The following ATP2C2 variants were observed in gnomAD, a reference collection of about 807,000 sequenced individuals.
ATP2C2 encodes calcium-transporting ATPase type 2C member 2.
Under a neutral mutation model 110.8 loss-of-function variants are expected in ATP2C2, and 171 were observed. The observed-to-expected ratio is 1.54, with a 90% CI of 1.36 to 1.75. The LOEUF (loss-of-function observed/expected upper bound fraction) is 1.75. Among genes scored for constraint, ATP2C2 ranks in the 40% most tolerant of loss-of-function variants. The probability of loss-of-function intolerance (pLI) is 0.00; values close to 1 mark genes in which losing one functional copy is unlikely to be tolerated. For missense variants in ATP2C2, 1,963 were observed against 1,235.0 expected (o/e 1.59, Z -8.84); for synonymous variants, 804 against 508.4 (o/e 1.58, Z -7.82).
intron 1 of ATP2C2, among the ~76,000 whole-genome samples, chr16:84,396,014 G>C (rs1262394338): frequency 6.6e-6 from 1 of 152,026 alleles, no homozygotes; most frequent in Non-Finnish European, 1.5e-5. Context: ...TCTCCTTTCT[G>C]TCTCTGTGAG....
intron 11 of ATP2C2, among the ~76,000 whole-genome samples, chr16:84,437,794 G>A (rs571924152): frequency 4.5e-4 from 69 of 152,350 alleles, no homozygotes; most frequent in African/African-American, 1.6e-3. Context: ...GGGATTACAG[G>A]CGTGAGCCAC....
chr16:84,404,189 C>T (rs1414544933), intron 2 of ATP2C2, among the ~76,000 whole-genome samples: 1 of 152,224 alleles, frequency 6.6e-6, no homozygotes, highest in African/African-American at 2.4e-5. Context: ...TTTAGGGAAG[C>T]TTCATGACAT....
Position 84,463,700 on chromosome 16 carries a change from AAG to A in ATP2C2, c.2814_2815del (p.Arg938SerfsTer6). ...ATGTGAAAAATACTGTTGCAGCCCC[AAG>A]AGAGTCCAGATGCACCCTGAAGATG... ...KLCEKYCCSP[K>X]RVQMHPEDV On this transcript the variant is annotated frameshift_variant, in exon 27 of 27. Transcript: ENST00000262429. LOFTEE classifies it low-confidence loss of function (END_TRUNC). The A allele has an allele frequency of 1.2e-6, 2 of 1,614,142 alleles. No individual in the cohort carries two copies. The highest frequency in any genetic ancestry group is 8.5e-7 in the Non-Finnish European group (1 of 1,179,980).
chr16:84,453,306 C>T lies in ATP2C2; in HGVS notation c.1930-15C>T, dbSNP rs200741728. The T allele has an allele frequency of 1.5e-5, 25 of 1,614,024 alleles. No individual in the cohort carries two copies. The highest frequency in any genetic ancestry group is 4.4e-5 in the South Asian group (4 of 91,082). ...TTGAAATCTGATTCTTCGTCTTCCC[C>T]GTCTCCGTGTCCAGGTGTCCGTGTT... On this transcript the variant is annotated splice_polypyrimidine_tract_variant and intron_variant, in intron 19 of 26. Coordinates refer to ENST00000262429, the MANE Select transcript of ATP2C2 (RefSeq NM_014861.4).
intron 1 of ATP2C2, among the ~76,000 whole-genome samples, chr16:84,386,975 G>C (rs920643545): frequency 1.3e-5 from 2 of 152,086 alleles, no homozygotes; most frequent in Non-Finnish European, 2.9e-5. Flanking sequence ...GAGTTCTTTT[G>C]CAATGTTCTT....
At chr16:84,410,985 T>G in intron 6 of ATP2C2, 1 of 585,710 alleles carries the variant, frequency 1.7e-6, no homozygotes, top group South Asian at 2.0e-5. Context: ...ATCATCAGTG[T>G]CTAAATCAGG....
chr16:84,433,681 AAAACACAC>A (rs1482368365), intron 11 of ATP2C2, among the ~76,000 whole-genome samples: 1 of 118,746 alleles, frequency 8.4e-6, no homozygotes, highest in Non-Finnish European at 1.8e-5. Flanking sequence ...CAACAACAAC[AAAACACAC>A]ACACACACAC....
At chr16:84,380,388 G>T (rs1910505299) in intron 1 of ATP2C2, among the ~76,000 whole-genome samples, 1 of 151,698 alleles carries the variant, frequency 6.6e-6, no homozygotes. Context: ...TTCTTTTCCT[G>T]TCTAAACTTG....
chr16:84,402,012 A>T (rs74918332), intron 2 of ATP2C2, among the ~76,000 whole-genome samples: 3 of 151,294 alleles, frequency 2.0e-5, no homozygotes, highest in Non-Finnish European at 4.4e-5. Flanking sequence ...TCTTGCATCA[A>T]TGTTTTATAG....
chr16:84,431,280 C>G (rs1009979181), intron 11 of ATP2C2, among the ~76,000 whole-genome samples: 1 of 152,052 alleles, frequency 6.6e-6, no homozygotes, highest in Admixed American at 6.6e-5. Context: ...GGGCAGATCA[C>G]TTGAGATCAG....
At chr16:84,427,332 A>T (rs1042902289) in intron 11 of ATP2C2, among the ~76,000 whole-genome samples, 2 of 152,230 alleles carry the variant, frequency 1.3e-5, no homozygotes, top group African/African-American at 2.4e-5. Flanking sequence ...ACTGATTCAT[A>T]CTGCAACATG....
intron 11 of ATP2C2, among the ~76,000 whole-genome samples, chr16:84,434,135 G>C (rs1426191078): frequency 6.6e-6 from 1 of 151,982 alleles, no homozygotes; most frequent in East Asian, 2.0e-4. Flanking sequence ...ACGAATTCCT[G>C]GGTCGGGCAC....
chr16:84,437,646 C>T (rs1272710328), intron 11 of ATP2C2, among the ~76,000 whole-genome samples: 1 of 152,080 alleles, frequency 6.6e-6, no homozygotes, highest in Non-Finnish European at 1.5e-5. Context: ...CTCCTGAGTA[C>T]CTGGGATTAC....
chr16:84,373,891 A>C (rs941260416), intron 1 of ATP2C2, among the ~76,000 whole-genome samples: 6 of 152,176 alleles, frequency 3.9e-5, no homozygotes, highest in African/African-American at 1.4e-4. Context: ...ATGTCTGCTA[A>C]TGTGTGTATG....
In ATP2C2 at chr16:84,415,490, G is replaced by A. The variant is rs1906750069; in HGVS notation, c.523G>A (p.Glu175Lys). The part of the protein sequence containing the change: ...LVPPECNCLR[E>K]GKLQHLLARE... ...TTACCATGTCAAATGCAGCCTAAGA[G>A]AAGGAAAACTCCAGCACCTGCTTGC... Residue 175 changes from glutamate to lysine, a missense_variant, in exon 7 of 27, where the codon GAA becomes AAA. By Grantham distance (56) the Glu-to-Lys change is moderately conservative. Transcript: ENST00000262429. 2 of 1,614,126 alleles carry A rather than the reference G, an allele frequency of 1.2e-6. No homozygotes were observed. Among genetic ancestry groups the A allele is most frequent in the African/African-American group, 1.3e-5 (1 of 75,038 alleles).
rs1429222797 is a variant in ATP2C2, at chr16:84,442,540, A to G, written c.1342A>G (p.Arg448Gly). The change falls in exon 15 of 27, where the codon AGA (arginine) becomes GGA (glycine). Residue 448 changes from arginine (R) to glycine (G), a missense_variant. Coordinates refer to ENST00000262429, the MANE Select transcript of ATP2C2 (RefSeq NM_014861.4). ...AGCVANNAVI[R>G]KNAVMGQPTE... The stretch of plus-strand genomic sequence containing the variant: ...CTGTGTTGCCAACAATGCGGTCATC[A>G]GAAAGAACGCCGTGATGGGGCAGCC... 1 of 1,614,124 alleles carries G rather than the reference A, an allele frequency of 6.2e-7. No individual in the cohort carries two copies. The highest frequency in any genetic ancestry group is 8.5e-7 in the Non-Finnish European group (1 of 1,179,968).
At chr16:84,459,574 C>T (rs1215360942) in intron 23 of ATP2C2, 188 bp downstream of exon 23, 3 of 1,536,140 alleles carry the variant, frequency 2.0e-6, no homozygotes, top group Admixed American at 2.0e-5. Context: ...GGAGAAAGTA[C>T]CTGGGCCGGC....
intron 11 of ATP2C2, among the ~76,000 whole-genome samples, chr16:84,437,568 C>G (rs1397249295): frequency 6.6e-6 from 1 of 152,054 alleles, no homozygotes; most frequent in Non-Finnish European, 1.5e-5. Context: ...CAGGCTGGAG[C>G]GCAGTGGCGC....
intron 16 of ATP2C2, 113 bp from the exon 17 acceptor site, chr16:84,448,420 C>A (rs1451206717): frequency 5.3e-6 from 7 of 1,317,706 alleles, no homozygotes; most frequent in Non-Finnish European, 6.2e-6. Flanking sequence ...ATAAATAACT[C>A]CGCTGCAAAG....
Sources: gnomAD v4.1 joint callset for allele counts (sites outside exome capture counted in the v4.1 genomes callset) on GRCh38, gnomAD v4.1.1 for gene constraint, MANE v1.5 for transcripts, NCBI Gene and HGNC (gene_info 2026-07-23, HGNC 2026-07-21) for gene names.